Variants in WWP2 observed in about 807,000 individuals in gnomAD.
WWP2 encodes NEDD4-like E3 ubiquitin-protein ligase WWP2.
Under a neutral mutation model 121.0 loss-of-function variants are expected in WWP2, and 57 were observed. The observed-to-expected ratio is 0.47, with a 90% CI of 0.38 to 0.59. The LOEUF (loss-of-function observed/expected upper bound fraction) is 0.59. Among genes scored for constraint, WWP2 ranks in the 20% least tolerant of loss-of-function variants. WWP2 has a pLI of 0.00. For missense variants in WWP2, 962 were observed against 1,158.9 expected, an observed-to-expected ratio of 0.83 and a Z score of 2.47; for synonymous variants, 449 against 441.3, an observed-to-expected ratio of 1.02 and a Z score of -0.22.
At chr16:69,874,285 C>T (rs923067750) in intron 7 of WWP2, among the ~76,000 whole-genome samples, 1 of 152,182 alleles carries the variant, frequency 6.6e-6, no homozygotes, top group Non-Finnish European at 1.5e-5. Context: ...AAGCTCCCCT[C>T]TTCAGCAGCG....
Position 69,827,062 on chromosome 16 carries a change from G to A in WWP2, c.341-13064G>A, listed in dbSNP as rs116082496. On this transcript the variant is annotated intron_variant, in intron 4 of 23. Coordinates refer to ENST00000359154, the MANE Select transcript of WWP2 (RefSeq NM_001270454.2). Reference sequence around the variant, plus strand: ...TCATCTTTAGCTCCCATCTTTTGGGGAAGTATTTGCAAGAAAATCTCATGC... The same window carrying A: ...TCATCTTTAGCTCCCATCTTTTGGGAAAGTATTTGCAAGAAAATCTCATGC... Among the ~76,000 whole-genome samples, 273 of 151,116 alleles carry A rather than the reference G, an allele frequency of 1.8e-3. 1 individual carries two copies. Among genetic ancestry groups the A allele is most frequent in the African/African-American group, 5.8e-3 (241 of 41,298 alleles).
intron 1 of WWP2, among the ~76,000 whole-genome samples, chr16:69,764,584 T>A (rs1247185243): frequency 6.6e-6 from 1 of 152,214 alleles, no homozygotes; most frequent in Non-Finnish European, 1.5e-5. Context: ...ATGTAGAATG[T>A]GAGTAAATGA....
At position 69,936,015 on chromosome 16, in the gene WWP2, C is replaced by T. The variant is rs775701030; in HGVS notation, c.1976+29C>T. 2.1e-5 allele frequency: 34 copies of T among 1,608,976 alleles called. 1 individual carries two copies. The highest frequency in any genetic ancestry group is 5.1e-5 in the Admixed American group (3 of 59,008). Reference sequence around the variant, plus strand: ...AGTTCCCTGCCCCCTTGCCCCACCGCGCTGATAGGAGGGACGTCTCTGGGT... The same window carrying T: ...AGTTCCCTGCCCCCTTGCCCCACCGTGCTGATAGGAGGGACGTCTCTGGGT... On this transcript the variant is annotated intron_variant, in intron 18 of 23. Transcript: ENST00000359154.
intron 4 of WWP2, among the ~76,000 whole-genome samples, chr16:69,820,554 T>TAAAA (rs34777921): frequency 8.6e-6 from 1 of 116,698 alleles, no homozygotes; most frequent in African/African-American, 2.7e-5. Context: ...CCCTGTCTCT[T>TAAAA]AAAAAAAAAA....
intron 8 of WWP2, among the ~76,000 whole-genome samples, chr16:69,894,534 C>T (rs995078358): frequency 6.6e-6 from 1 of 152,186 alleles, no homozygotes; most frequent in Non-Finnish European, 1.5e-5. Flanking sequence ...CATCTGTAAA[C>T]CCTCCTGCTT....
chr16:69,874,788 G>A (rs914394270), intron 7 of WWP2, among the ~76,000 whole-genome samples: 3 of 152,136 alleles, frequency 2.0e-5, no homozygotes, highest in African/African-American at 7.2e-5. Flanking sequence ...ATCAGCCGTG[G>A]TCAGATTCCG....
Position 69,937,616 on chromosome 16 carries a change from C to T in WWP2, c.2307C>T (p.Tyr769=), listed in dbSNP as rs754182260. ...AGAAGAGCACCATCTACCGGCACTA[C>T]ACCAAGAACAGCAAGCAGATCCAGT... ...DWQKSTIYRH[Y]TKNSKQIQWF... The change falls in exon 21 of 24, where the codon TAC becomes TAT. Residue 769 remains tyrosine (Y), a synonymous_variant. Transcript: ENST00000359154. The surrounding 1 kb of genome is among the most constrained non-coding windows in gnomAD (Gnocchi z 6.6). 1.2e-6 allele frequency: 2 copies of T among 1,614,044 alleles called. No individual in the cohort carries two copies. Among genetic ancestry groups the T allele is most frequent in the Non-Finnish European group, 1.7e-6 (2 of 1,180,002 alleles).
At chr16:69,809,776 A>AAGAG (rs1298238057) in intron 4 of WWP2, among the ~76,000 whole-genome samples, 1 of 151,134 alleles carries the variant, frequency 6.6e-6, no homozygotes, top group African/African-American at 2.4e-5. Context: ...CAGAAAGAGA[A>AAGAG]AGAGAGAGAG....
chr16:69,901,823 TC>T (rs2058210556), intron 8 of WWP2, among the ~76,000 whole-genome samples: 1 of 151,948 alleles, frequency 6.6e-6, no homozygotes, highest in African/African-American at 2.4e-5. Context: ...TGGTGGCGAG[TC>T]CCTGTAATCC....
chr16:69,874,988 C>G (rs1243673356), intron 7 of WWP2, among the ~76,000 whole-genome samples: 1 of 150,516 alleles, frequency 6.6e-6, no homozygotes, highest in Non-Finnish European at 1.5e-5. Flanking sequence ...CACCACTACA[C>G]TCCAGCCTGG....
chr16:69,931,986 C>A, intron 16 of WWP2, 96 bp downstream of exon 16: 1 of 1,178,510 alleles, frequency 8.5e-7, no homozygotes, highest in Non-Finnish European at 1.2e-6. Context: ...CTCACATTCC[C>A]TCCCAAAGCT....
chr16:69,928,211 T>C (rs1360900280), intron 11 of WWP2, among the ~76,000 whole-genome samples: 1 of 152,148 alleles, frequency 6.6e-6, no homozygotes, highest in Non-Finnish European at 1.5e-5. Flanking sequence ...CTGGAACTGA[T>C]TATTTTTGTT....
chr16:69,919,216 A>G (rs1352081843), intron 10 of WWP2, among the ~76,000 whole-genome samples: 2 of 152,218 alleles, frequency 1.3e-5, no homozygotes, highest in Non-Finnish European at 1.5e-5. Flanking sequence ...CCCAAGCTGG[A>G]GTGCAATGGC....
At chr16:69,862,972 C>T (rs768013642) in intron 6 of WWP2, among the ~76,000 whole-genome samples, 4 of 151,998 alleles carry the variant, frequency 2.6e-5, no homozygotes, top group African/African-American at 4.8e-5. Flanking sequence ...AGCAGTCCTC[C>T]GCCCTTGGCC....
chr16:69,811,683 C>T (rs1020308339), intron 4 of WWP2, among the ~76,000 whole-genome samples: 2 of 152,052 alleles, frequency 1.3e-5, no homozygotes, highest in Admixed American at 1.3e-4. Flanking sequence ...GGGCACAGGA[C>T]TTAGAGGCTG....
chr16:69,921,917 T>C (rs9922964), intron 10 of WWP2, among the ~76,000 whole-genome samples: 100,313 of 151,118 alleles, frequency 0.66, 33,707 homozygotes, highest in East Asian at 0.96. Context: ...CTACTAAAAA[T>C]ACAAAAATTA....
chr16:69,835,301 C>T (rs987865480), intron 4 of WWP2, among the ~76,000 whole-genome samples: 19 of 152,120 alleles, frequency 1.2e-4, no homozygotes, highest in African/African-American at 3.6e-4. Context: ...GCCACACTTA[C>T]GCCTTTCAGC....
At chr16:69,781,576 T>C (rs2055664968) in intron 1 of WWP2, among the ~76,000 whole-genome samples, 1 of 152,112 alleles carries the variant, frequency 6.6e-6, no homozygotes, top group African/African-American at 2.4e-5. Flanking sequence ...CTTGAACTCC[T>C]GAGCACAAGG....
At chr16:69,844,131 A>T (rs1458001466) in intron 6 of WWP2, among the ~76,000 whole-genome samples, 1 of 151,890 alleles carries the variant, frequency 6.6e-6, no homozygotes, top group Non-Finnish European at 1.5e-5. Context: ...TCTTTTCTCC[A>T]AGTCACTGTA....
Sources: gnomAD v4.1 joint callset for allele counts (sites outside exome capture counted in the v4.1 genomes callset) on GRCh38, gnomAD v4.1.1 for gene constraint, Gnocchi (gnomAD v3.1) non-coding constraint, MANE v1.5 for transcripts, NCBI Gene and HGNC (gene_info 2026-07-23, HGNC 2026-07-21) for gene names.